The following NAALADL2 variants were observed in gnomAD, a reference collection of about 807,000 sequenced individuals.
NAALADL2 encodes the protein inactive N-acetylated-alpha-linked acidic dipeptidase-like protein 2.
NAALADL2 carries 76 observed loss-of-function variants against 87.2 expected under a neutral mutation model. The ratio of observed to expected loss-of-function variants is 0.87; its 90% CI spans 0.72 to 1.05. The LOEUF is 1.05. NAALADL2 is among the 50% of genes least tolerant of loss of function. The pLI is 0.00. For synonymous variants in NAALADL2, 354 were observed against 331.0 expected (o/e 1.07, Z -0.75); for missense variants, 1,089 against 945.8 (o/e 1.15, Z -1.99).
At chr3:174,799,462 T>C (rs1015155262) in intron 3 of NAALADL2, among the ~76,000 whole-genome samples, 1 of 152,150 alleles carries the variant, frequency 6.6e-6, no homozygotes, top group East Asian at 1.9e-4. Flanking sequence ...GGAGTTCCCC[T>C]GCACAAGCTC....
intron 2 of NAALADL2, among the ~76,000 whole-genome samples, chr3:174,725,333 T>G: frequency 6.8e-6 from 1 of 146,424 alleles, no homozygotes; most frequent in Non-Finnish European, 1.5e-5. Context: ...TTTTTTAAAC[T>G]TAATTATTTA....
At chr3:174,855,729 A>C (rs73047995), upstream of NAALADL2, among the ~76,000 whole-genome samples, 2,599 of 149,620 alleles carry the variant, frequency 0.017, 65 homozygotes, top group African/African-American at 0.06. Context: ...GAACTTGATG[A>C]CTACTTTTAA....
At chr3:175,710,748 A>T (rs931211274) in intron 11 of NAALADL2, among the ~76,000 whole-genome samples, 3 of 151,776 alleles carry the variant, frequency 2.0e-5, no homozygotes, top group African/African-American at 7.2e-5. Flanking sequence ...ACACATATAC[A>T]TATATATGAA....
chr3:174,714,705 G>A (rs868012783), intron 2 of NAALADL2, among the ~76,000 whole-genome samples: 224 of 152,204 alleles, frequency 1.5e-3, no homozygotes, highest in Middle Eastern at 6.8e-3. Flanking sequence ...GGGCTGAGAC[G>A]ATGGGGTTTT....
intron 3 of NAALADL2, among the ~76,000 whole-genome samples, chr3:174,817,027 G>A (rs1255634248): frequency 6.6e-6 from 1 of 152,162 alleles, no homozygotes; most frequent in Non-Finnish European, 1.5e-5. Flanking sequence ...TCTACAACAG[G>A]CAGGAACTTA....
At chr3:174,940,637 A>C (rs1219563608) in intron 1 of NAALADL2, among the ~76,000 whole-genome samples, 1 of 151,900 alleles carries the variant, frequency 6.6e-6, no homozygotes, top group East Asian at 1.9e-4. Context: ...TGAGTCCATC[A>C]GGTTCTGAGC....
At chr3:175,802,883 A>T in intron 13 of NAALADL2, 122 bp from the exon 14 acceptor site, 1 of 608,124 alleles carries the variant, frequency 1.6e-6, no homozygotes, top group South Asian at 2.1e-5. Flanking sequence ...TCGTGATATT[A>T]TATTTTTATA....
Position 175,790,464 on chromosome 3 carries a change from CATTTT to C in NAALADL2, c.2190-12536_2190-12532del, listed in dbSNP as rs1453168554. The stretch of plus-strand genomic sequence containing the variant: ...GTAGATGTTTAGATGCTTGAAAAAG[CATTTT>C]ATTTATTTTAACTGAAACACTCATT... On this transcript the variant is annotated intron_variant, in intron 13 of 13. Coordinates refer to ENST00000454872, the MANE Select transcript of NAALADL2 (RefSeq NM_207015.3). Among the ~76,000 whole-genome samples the C allele has an allele frequency of 4.6e-5, 7 of 152,262 alleles. No individual in the cohort carries two copies. The South Asian group carries it at 1.4e-3, about 32-fold the overall frequency.
intron 11 of NAALADL2, among the ~76,000 whole-genome samples, chr3:175,733,469 C>T (rs1744065742): frequency 6.6e-6 from 1 of 152,162 alleles, no homozygotes; most frequent in Non-Finnish European, 1.5e-5. Flanking sequence ...TCCCATGATT[C>T]AATCATCTCC....
intron 3 of NAALADL2, among the ~76,000 whole-genome samples, chr3:174,804,265 CTGTT>C (rs773136574): frequency 1.8e-4 from 28 of 152,076 alleles, no homozygotes; most frequent in Non-Finnish European, 2.6e-4. Flanking sequence ...ATTTGGGTCT[CTGTT>C]TGTCTATTGT....
chr3:175,124,019 T>C (rs1354524147), intron 2 of NAALADL2, among the ~76,000 whole-genome samples: 2 of 151,984 alleles, frequency 1.3e-5, no homozygotes, highest in African/African-American at 2.4e-5. Flanking sequence ...TAAGATACTT[T>C]CCAAATCAGA....
chr3:175,441,431 A>C (rs2149203254), intron 5 of NAALADL2, among the ~76,000 whole-genome samples: 1 of 152,254 alleles, frequency 6.6e-6, no homozygotes, highest in Admixed American at 6.5e-5. Flanking sequence ...CCCAGAACCG[A>C]TTGCTGGCAG....
chr3:174,520,867 T>G (rs1209461365), intron 1 of NAALADL2, among the ~76,000 whole-genome samples: 1 of 151,792 alleles, frequency 6.6e-6, no homozygotes, highest in Admixed American at 6.6e-5. Context: ...ACAACCCCAT[T>G]GCAAAGTGGA....
At chr3:174,673,928 A>C (rs501906) in intron 2 of NAALADL2, among the ~76,000 whole-genome samples, 97,083 of 151,728 alleles carry the variant, frequency 0.64, 31,738 homozygotes, top group Admixed American at 0.72. Context: ...TAAATTTGAA[A>C]AAATGTTATG....
chr3:174,459,967 A>G (rs1376803554), intron 1 of NAALADL2, among the ~76,000 whole-genome samples: 1 of 152,180 alleles, frequency 6.6e-6, no homozygotes, highest in East Asian at 1.9e-4. Context: ...CTTTATGAGA[A>G]CATAAATACA....
chr3:175,072,489 G>T (rs1010431681), intron 1 of NAALADL2, among the ~76,000 whole-genome samples: 4 of 151,490 alleles, frequency 2.6e-5, no homozygotes, highest in Non-Finnish European at 5.9e-5. Flanking sequence ...CTTTAAAAAC[G>T]TTTGGCAAGA....
Position 174,478,536 on chromosome 3 carries a change from A to G in NAALADL2, c.-184+37504A>G, listed in dbSNP as rs113959056. 6.2e-3 allele frequency among the ~76,000 whole-genome samples: 937 copies of G among 152,282 alleles called. 13 individuals are homozygous for G. The highest frequency in any genetic ancestry group is 0.021 in the African/African-American group (886 of 41,574). Reference sequence around the variant, plus strand: ...TCTCCCCCTAATTCTATAAAAATATAGTACTCATTGATAGCCTCAATAGAA... The same window carrying G: ...TCTCCCCCTAATTCTATAAAAATATGGTACTCATTGATAGCCTCAATAGAA... On this transcript the variant is annotated intron_variant, in intron 1 of 3. Transcript: ENST00000434257.
chr3:175,320,715 C>T (rs975920718), intron 4 of NAALADL2, among the ~76,000 whole-genome samples: 1 of 152,126 alleles, frequency 6.6e-6, no homozygotes, highest in Admixed American at 6.6e-5. Flanking sequence ...CACCTCTACG[C>T]AAATAAACTA....
chr3:174,774,230 A>G (rs537478555), intron 3 of NAALADL2, among the ~76,000 whole-genome samples: 5 of 152,162 alleles, frequency 3.3e-5, no homozygotes, highest in Non-Finnish European at 7.3e-5. Context: ...CATGTGGTCC[A>G]TCAGAAGCTC....
Sources: allele counts gnomAD v4.1 joint callset (sites outside exome capture counted in the v4.1 genomes callset), GRCh38; gene constraint gnomAD v4.1.1; transcripts MANE v1.5; gene names NCBI Gene and HGNC (gene_info 2026-07-23, HGNC 2026-07-21).